The following CTSS variants were observed in gnomAD, a reference collection of about 807,000 sequenced individuals.
CTSS encodes the protein cathepsin S.
CTSS carries 15 observed loss-of-function variants against 39.9 expected under a neutral mutation model. The ratio of observed to expected loss-of-function variants is 0.38; its 90% confidence interval spans 0.25 to 0.58. The LOEUF is 0.58. Among genes scored for constraint, CTSS ranks in the 20% least tolerant of loss-of-function variants. CTSS has a pLI of 0.70. For synonymous variants in CTSS, 126 were observed against 138.2 expected, an observed-to-expected ratio of 0.91 and a Z score of 0.62; for missense variants, 250 against 398.2, an observed-to-expected ratio of 0.63 and a Z score of 3.17.
intron 7 of CTSS, 51 bp downstream of exon 7, chr1:150,747,726 A>G: frequency 8.7e-6 from 10 of 1,153,034 alleles, no homozygotes; most frequent in African/African-American, 1.5e-5. Flanking sequence ...TATTTGCTGA[A>G]ACTCCCTCAA....
intron 4 of CTSS, among the ~76,000 whole-genome samples, chr1:150,753,678 G>A (rs997335984): frequency 3.3e-5 from 5 of 152,148 alleles, no homozygotes; most frequent in Non-Finnish European, 4.4e-5. Flanking sequence ...GGCTGAACAC[G>A]AGGGCTCATG....
At chr1:150,735,444 A>C (rs1249197341) in intron 7 of CTSS, among the ~76,000 whole-genome samples, 1 of 152,202 alleles carries the variant, frequency 6.6e-6, no homozygotes, top group Non-Finnish European at 1.5e-5. Flanking sequence ...TCCTTCTCAA[A>C]CATTTTCATG....
At chr1:150,758,140 C>A (rs1557814306) in intron 2 of CTSS, among the ~76,000 whole-genome samples, 160 bp from the exon 3 acceptor site, 1 of 151,856 alleles carries the variant, frequency 6.6e-6, no homozygotes, top group Non-Finnish European at 1.5e-5. Context: ...ACCTCCGATT[C>A]TCAGGTTCAA....
At chr1:150,763,561 A>G (rs1158649226) in intron 2 of CTSS, among the ~76,000 whole-genome samples, 1 of 152,164 alleles carries the variant, frequency 6.6e-6, no homozygotes, top group Non-Finnish European at 1.5e-5. Flanking sequence ...CTCCATAAAT[A>G]GACACAATTA....
chr1:150,753,680 G>A (rs1653053258), intron 4 of CTSS, among the ~76,000 whole-genome samples: 1 of 152,118 alleles, frequency 6.6e-6, no homozygotes, highest in Admixed American at 6.6e-5. Context: ...CTGAACACGA[G>A]GGCTCATGCC....
intron 3 of CTSS, among the ~76,000 whole-genome samples, chr1:150,756,734 G>C (rs587776249): frequency 2.1e-3 from 125 of 59,724 alleles, no homozygotes; most frequent in Admixed American, 4.4e-3. Flanking sequence ...TTTCTCTTTT[G>C]AGACGGAGTT....
intron 4 of CTSS, among the ~76,000 whole-genome samples, chr1:150,752,877 A>C (rs1266326612): frequency 6.6e-6 from 1 of 152,160 alleles, no homozygotes; most frequent in African/African-American, 2.4e-5. Context: ...GTTTTGAGAC[A>C]GGGTTTCCTT....
At chr1:150,749,950 C>A (rs1450560772) in intron 6 of CTSS, 56 bp downstream of exon 6, 2 of 1,465,458 alleles carry the variant, frequency 1.4e-6, no homozygotes, top group Non-Finnish European at 9.2e-7. Context: ...CCGTGCTCAG[C>A]CAATATCCTT....
Position 150,751,572 on chromosome 1 carries a change from A to G in CTSS, c.627+209T>C, listed in dbSNP as rs375542007. ...CATTAAAATCTGTTTTTAAGCATGA[A>G]TGCTACTTCCTTATTTGTACTACTG... On this transcript the variant is annotated intron_variant, in intron 5 of 7. Coordinates refer to ENST00000368985, the MANE Select transcript of CTSS (RefSeq NM_004079.5). Among the ~76,000 whole-genome samples, 12 of 152,296 alleles carry G rather than the reference A, an allele frequency of 7.9e-5. No individual in the cohort carries two copies. In the East Asian group the frequency reaches 2.1e-3, roughly 27 times the overall value.
chr1:150,737,110 T>C (rs1244106107), intron 7 of CTSS, among the ~76,000 whole-genome samples: 1 of 152,064 alleles, frequency 6.6e-6, no homozygotes, highest in Non-Finnish European at 1.5e-5. Flanking sequence ...CCATCTACTT[T>C]TTTTTTTTTG....
At chr1:150,754,913 T>G in intron 4 of CTSS, 88 bp downstream of exon 4, 1 of 1,360,804 alleles carries the variant, frequency 7.3e-7, no homozygotes, top group Non-Finnish European at 1.0e-6. Context: ...CACGTGGGAC[T>G]GTAAGATTCA....
At chr1:150,758,929 G>A (rs1393628944) in intron 2 of CTSS, among the ~76,000 whole-genome samples, 2 of 150,152 alleles carry the variant, frequency 1.3e-5, no homozygotes, top group Non-Finnish European at 3.0e-5. Context: ...GCTCACTACA[G>A]CCTCAAACTC....
chr1:150,745,897 T>C (rs1177360001), intron 7 of CTSS, among the ~76,000 whole-genome samples: 1 of 152,170 alleles, frequency 6.6e-6, no homozygotes, highest in African/African-American at 2.4e-5. Flanking sequence ...TGACTTGATG[T>C]ATGTGCACAT....
intron 7 of CTSS, among the ~76,000 whole-genome samples, chr1:150,744,778 C>T (rs2101915258): frequency 6.7e-6 from 1 of 149,916 alleles, no homozygotes; most frequent in Admixed American, 6.8e-5. Context: ...TGGTTTCTTA[C>T]TATTTTTTGT....
At chr1:150,750,228 T>G in intron 5 of CTSS, 57 bp from the exon 6 acceptor site, 1 of 1,380,340 alleles carries the variant, frequency 7.2e-7, no homozygotes, top group Non-Finnish European at 1.0e-6. Context: ...ATAAATCACC[T>G]GTATCCTAAG....
At chr1:150,750,547 C>G (rs1202718939) in intron 5 of CTSS, among the ~76,000 whole-genome samples, 1 of 152,028 alleles carries the variant, frequency 6.6e-6, no homozygotes, top group African/African-American at 2.4e-5. Flanking sequence ...ATATAAAGAC[C>G]ATATAATATG....
In CTSS at chr1:150,757,826, C is replaced by T. The variant is rs762166346; in HGVS notation, c.249+32G>A. 62 of 1,602,040 alleles carry T rather than the reference C, an allele frequency of 3.9e-5. No homozygotes were observed. In the Admixed American group the frequency reaches 7.0e-4, roughly 18 times the overall value. ...AGAAAGGAAATGATATTTACCCAGA[C>T]GTGAAAGTGGGATTTCTTGTAATGT... On this transcript the variant is annotated intron_variant, in intron 3 of 7. Transcript: ENST00000368985.
At chr1:150,749,709 G>T (rs957016442) in intron 6 of CTSS, among the ~76,000 whole-genome samples, 1 of 151,558 alleles carries the variant, frequency 6.6e-6, no homozygotes, top group African/African-American at 2.4e-5. Context: ...GAGTGCAGTG[G>T]TATGATCATA....
chr1:150,750,307 A>G (rs1652983369), intron 5 of CTSS, 136 bp from the exon 6 acceptor site: 2 of 591,464 alleles, frequency 3.4e-6, no homozygotes, highest in African/African-American at 3.7e-5. Context: ...TCCTTTGCAA[A>G]TCTTCCAAAT....
Sources: gnomAD v4.1 joint callset for allele counts (sites outside exome capture counted in the v4.1 genomes callset) on GRCh38, gnomAD v4.1.1 for gene constraint, MANE v1.5 for transcripts, NCBI Gene and HGNC (gene_info 2026-07-23, HGNC 2026-07-21) for gene names.